The following NAV2 variants were observed in gnomAD, a reference collection of about 807,000 sequenced individuals.
NAV2 encodes neuron navigator 2, also known as helicase, APC down-regulated 1.
A neutral mutation model predicts 223.2 loss-of-function variants in NAV2; 54 were observed. The ratio of observed to expected loss-of-function variants is 0.24; its 90% CI spans 0.19 to 0.30. NAV2 has a LOEUF of 0.30. Among genes scored for constraint, NAV2 ranks in the 10% least tolerant of loss-of-function variants. NAV2 has a pLI of 1.00. For missense variants in NAV2, 2,806 were observed against 3,147.5 expected (o/e 0.89, Z 2.60); for synonymous variants, 1,279 against 1,239.3 (o/e 1.03, Z -0.67).
chr11:19,910,845 G>T (rs924999515), intron 6 of NAV2, among the ~76,000 whole-genome samples: 4 of 152,088 alleles, frequency 2.6e-5, no homozygotes, highest in Non-Finnish European at 5.9e-5. Flanking sequence ...GTGACAGAGC[G>T]AGACTCTGTC....
intron 1 of NAV2, among the ~76,000 whole-genome samples, chr11:19,414,489 A>G (rs1473507933): frequency 4.6e-5 from 7 of 152,194 alleles, no homozygotes; most frequent in African/African-American, 1.4e-4. Context: ...TCTACACAAT[A>G]ATAGTGGGAG....
chr11:19,467,028 G>A (rs1260663037), intron 1 of NAV2, among the ~76,000 whole-genome samples: 1 of 114,780 alleles, frequency 8.7e-6, no homozygotes, highest in Non-Finnish European at 2.0e-5. Flanking sequence ...CAGAGAGAGA[G>A]AGAGAGAGAG....
intron 1 of NAV2, among the ~76,000 whole-genome samples, chr11:19,452,305 C>T (rs1851817372): frequency 6.6e-6 from 1 of 152,106 alleles, no homozygotes; most frequent in Non-Finnish European, 1.5e-5. Context: ...TGCCAGGTAT[C>T]ATGTTGGGCC....
At chr11:20,005,993 GT>G (rs2053032792) in intron 11 of NAV2, among the ~76,000 whole-genome samples, 1 of 152,184 alleles carries the variant, frequency 6.6e-6, no homozygotes, top group African/African-American at 2.4e-5. Flanking sequence ...GCTCACGCCT[GT>G]AATCCCAGCA....
chr11:19,655,031 C>A (rs576603382), intron 1 of NAV2, among the ~76,000 whole-genome samples: 4 of 152,058 alleles, frequency 2.6e-5, no homozygotes, highest in African/African-American at 4.8e-5. Flanking sequence ...CAATGAACTC[C>A]AACAAATTTA....
chr11:19,781,759 C>CT (rs5790090), intron 1 of NAV2, among the ~76,000 whole-genome samples: 13 of 148,180 alleles, frequency 8.8e-5, no homozygotes, highest in Admixed American at 4.0e-4. Flanking sequence ...GCTCCTTTAG[C>CT]TTTTTTTTTT....
chr11:20,006,188 A>G (rs1035290511), intron 11 of NAV2, among the ~76,000 whole-genome samples: 3 of 152,112 alleles, frequency 2.0e-5, no homozygotes, highest in Non-Finnish European at 4.4e-5. Context: ...CAGTTGTATG[A>G]TTCAGGGTGT....
rs372824747 is a variant in NAV2 at position 20,055,394 on chromosome 11, T to G, written c.4643-375T>G. On this transcript the variant is annotated intron_variant, in intron 18 of 37. Coordinates refer to ENST00000349880, the MANE Select transcript of NAV2 (RefSeq NM_145117.5). ...TCTTTGAGGCAAGAGATTCTTGTCA[T>G]GCACAAATGCTTCCCATCTGATCAA... Among the ~76,000 whole-genome samples, 5 of 152,362 alleles carry G rather than the reference T, an allele frequency of 3.3e-5. No homozygotes were observed. In the South Asian group the frequency reaches 1.0e-3, roughly 32 times the overall value.
In NAV2 at chr11:19,588,999, G is replaced by A. The variant is rs1007090406; in HGVS notation, c.75+237972G>A. ...TGCCTCCCATGGAGATCTGGGCACAGAGGGCACCGTCCAGCCCCTGAGCAC... is the reference window on the plus strand; with the variant it reads ...TGCCTCCCATGGAGATCTGGGCACAAAGGGCACCGTCCAGCCCCTGAGCAC... On this transcript the variant is annotated intron_variant, in intron 1 of 37. Transcript: ENST00000360655. Among the ~76,000 whole-genome samples, 4 of 152,328 alleles carry A rather than the reference G, an allele frequency of 2.6e-5. No homozygotes were observed. In the South Asian group the frequency reaches 8.3e-4, roughly 32 times the overall value.
intron 1 of NAV2, among the ~76,000 whole-genome samples, chr11:19,697,807 G>A (rs1167995165): frequency 6.6e-6 from 1 of 152,208 alleles, no homozygotes; most frequent in African/African-American, 2.4e-5. Context: ...TGCTTGTGAT[G>A]GCAATTGGCT....
chr11:20,023,716 GT>G (rs2054759798), intron 11 of NAV2, among the ~76,000 whole-genome samples: 2 of 151,810 alleles, frequency 1.3e-5, no homozygotes, highest in Admixed American at 1.3e-4. Flanking sequence ...GTGTGTGTGT[GT>G]GTGTGTGTGT....
At chr11:19,471,737 A>T (rs11820210) in intron 1 of NAV2, among the ~76,000 whole-genome samples, 6 of 152,072 alleles carry the variant, frequency 3.9e-5, no homozygotes, top group Non-Finnish European at 5.9e-5. Context: ...AGTATGAAGA[A>T]GGCAGTGCTT....
chr11:20,114,361 A>G (rs1483269554), intron 36 of NAV2: 4 of 577,232 alleles, frequency 6.9e-6, no homozygotes, highest in African/African-American at 5.6e-5. Context: ...AACCTAGATC[A>G]GCCTGACTCC....
At chr11:19,964,383 G>A (rs1022479230) in intron 10 of NAV2, among the ~76,000 whole-genome samples, 1 of 151,996 alleles carries the variant, frequency 6.6e-6, no homozygotes, top group Non-Finnish European at 1.5e-5. Flanking sequence ...TATATATAAC[G>A]GTTAATAATA....
intron 1 of NAV2, among the ~76,000 whole-genome samples, chr11:19,666,765 C>T (rs766285798): frequency 3.9e-5 from 6 of 152,154 alleles, no homozygotes; most frequent in African/African-American, 9.7e-5. Flanking sequence ...TCCACCTTCA[C>T]GTTTATCTAG....
At chr11:19,723,721 T>C (rs1454788894) in intron 1 of NAV2, among the ~76,000 whole-genome samples, 1 of 152,242 alleles carries the variant, frequency 6.6e-6, no homozygotes, top group African/African-American at 2.4e-5. Context: ...CTGTGGCTGC[T>C]GTCCCCCAGG....
At chr11:19,413,877 A>T (rs889364153) in intron 1 of NAV2, among the ~76,000 whole-genome samples, 6 of 152,184 alleles carry the variant, frequency 3.9e-5, no homozygotes, top group Non-Finnish European at 5.9e-5. Context: ...GCAAATGCTG[A>T]TTTTACCACC....
chr11:19,400,823 C>A (rs937777790), intron 1 of NAV2, among the ~76,000 whole-genome samples: 2 of 152,086 alleles, frequency 1.3e-5, no homozygotes, highest in South Asian at 2.1e-4. Flanking sequence ...TCCAACTTGA[C>A]CTTTTGGTGG....
intron 1 of NAV2, among the ~76,000 whole-genome samples, chr11:19,649,853 A>G (rs1052992068): frequency 5.3e-5 from 8 of 152,238 alleles, no homozygotes; most frequent in Non-Finnish European, 8.8e-5. Flanking sequence ...AGTATCATTG[A>G]TAGCCAGGGA....
Sources: gnomAD v4.1 joint callset for allele counts (sites outside exome capture counted in the v4.1 genomes callset) on GRCh38, gnomAD v4.1.1 for gene constraint, MANE v1.5 for transcripts, NCBI Gene and HGNC (gene_info 2026-07-23, HGNC 2026-07-21) for gene names.